The following CSMD3 variants were observed in gnomAD, a reference collection of about 807,000 sequenced individuals.
CSMD3 encodes CUB and Sushi multiple domains 3.
Under a neutral mutation model 435.2 loss-of-function variants are expected in CSMD3, and 177 were observed. The ratio of observed to expected loss-of-function variants is 0.41; its 90% confidence interval spans 0.36 to 0.46. The LOEUF (loss-of-function observed/expected upper bound fraction) is 0.46. CSMD3 is among the 20% of genes least tolerant of loss of function. The pLI is 0.34. For missense variants in CSMD3, 4,265 were observed against 4,504.6 expected (o/e 0.95, Z 1.52); for synonymous variants, 1,656 against 1,520.5 (o/e 1.09, Z -2.07).
At chr8:113,206,207 A>G (rs944831713) in intron 3 of CSMD3, among the ~76,000 whole-genome samples, 4 of 152,006 alleles carry the variant, frequency 2.6e-5, no homozygotes, top group African/African-American at 9.7e-5. Context: ...CTATATTTTG[A>G]TTTCTTTATA....
intron 3 of CSMD3, among the ~76,000 whole-genome samples, chr8:113,247,748 C>A (rs1028745265): frequency 6.6e-5 from 10 of 152,022 alleles, no homozygotes; most frequent in African/African-American, 2.2e-4. Context: ...AACTGCTTAG[C>A]AATAACAGAT....
At chr8:113,341,686 T>G (rs1160078077) in intron 1 of CSMD3, among the ~76,000 whole-genome samples, 2 of 152,082 alleles carry the variant, frequency 1.3e-5, no homozygotes, top group Admixed American at 6.6e-5. Flanking sequence ...GGAGTTAAAC[T>G]TATTATTTGA....
intron 1 of CSMD3, among the ~76,000 whole-genome samples, chr8:113,320,577 A>G (rs1588510119): frequency 6.6e-6 from 1 of 152,150 alleles, no homozygotes; most frequent in South Asian, 2.1e-4. Flanking sequence ...TTATGTTGAC[A>G]TGACTCTTGC....
At chr8:113,087,040 T>A (rs1012915915) in intron 5 of CSMD3, among the ~76,000 whole-genome samples, 8 of 152,282 alleles carry the variant, frequency 5.3e-5, no homozygotes, top group African/African-American at 1.2e-4. Flanking sequence ...TCTCTCTCTC[T>A]CACACTTCTG....
chr8:112,414,057 T>C (rs2130171374), intron 32 of CSMD3, among the ~76,000 whole-genome samples: 1 of 152,266 alleles, frequency 6.6e-6, no homozygotes, highest in Non-Finnish European at 1.5e-5. Context: ...TCTTAATAAT[T>C]TTCCATCTAC....
At chr8:112,292,845 CGGAAA>C in intron 54 of CSMD3, 135 bp from the exon 55 acceptor site, 1 of 770,096 alleles carries the variant, frequency 1.3e-6, no homozygotes, top group Non-Finnish European at 2.2e-6. Context: ...TGGAAATATA[CGGAAA>C]GTACATTTAC....
chr8:112,648,850 G>A (rs967176365), intron 19 of CSMD3, among the ~76,000 whole-genome samples: 2 of 152,150 alleles, frequency 1.3e-5, no homozygotes, highest in Admixed American at 6.5e-5. Flanking sequence ...ACCATGGTCT[G>A]TCTCAACCAC....
chr8:112,818,014 T>C (rs909891171), intron 12 of CSMD3, among the ~76,000 whole-genome samples: 1 of 151,880 alleles, frequency 6.6e-6, no homozygotes, highest in Admixed American at 6.6e-5. Flanking sequence ...ATTTTATAAT[T>C]AATATTTTTT....
At position 112,289,154 on chromosome 8, in the gene CSMD3, G is replaced by C. The variant is rs186307835; in HGVS notation, c.9148+211C>G. On this transcript the variant is annotated intron_variant, in intron 57 of 70. Transcript: ENST00000297405. ...GCAACACAGTTCAAAACACAAACTT[G>C]TAATTTATCATCTACAACATCAGTA... Among the ~76,000 whole-genome samples the C allele has an allele frequency of 4.4e-4, 67 of 152,094 alleles. 1 individual carries two copies. Among genetic ancestry groups the C allele is most frequent in the Middle Eastern group, 3.4e-3 (1 of 294 alleles).
intron 12 of CSMD3, among the ~76,000 whole-genome samples, chr8:112,807,549 G>A (rs914515673): frequency 5.3e-5 from 8 of 151,378 alleles, no homozygotes; most frequent in Non-Finnish European, 8.8e-5. Flanking sequence ...GGAAATACAT[G>A]TTTGGTGTCC....
At position 112,772,534 on chromosome 8, in the gene CSMD3, G is replaced by C. The variant is rs369980550; in HGVS notation, c.1972+27628C>G. Among the ~76,000 whole-genome samples, 7 of 152,068 alleles carry C rather than the reference G, an allele frequency of 4.6e-5. No individual in the cohort carries two copies. The East Asian group carries it at 1.2e-3, about 25-fold the overall frequency. ...GTCCAAGGTTTCTCCCCATGTGATA[G>C]TCTGAAATATGGCCTCGTGGGAAGG... On this transcript the variant is annotated intron_variant, in intron 13 of 70. Coordinates refer to ENST00000297405, the MANE Select transcript of CSMD3 (RefSeq NM_198123.2).
Position 112,312,912 on chromosome 8 carries a change from C to T in CSMD3, c.7696+994G>A, listed in dbSNP as rs939286607. Among the ~76,000 whole-genome samples the T allele has an allele frequency of 2.6e-5, 4 of 152,174 alleles. No homozygotes were observed. The South Asian group carries it at 8.3e-4, about 32-fold the overall frequency. On this transcript the variant is annotated intron_variant, in intron 49 of 70. Coordinates refer to ENST00000297405, the MANE Select transcript of CSMD3 (RefSeq NM_198123.2). ...ATAAAACATTTATAAAAGGAATTTT[C>T]GGTTGAATTGATTACCAATGACACA... is the stretch of plus-strand genomic sequence containing the variant.
chr8:112,632,845 ATT>A (rs1004186412), intron 22 of CSMD3, among the ~76,000 whole-genome samples: 1 of 151,624 alleles, frequency 6.6e-6, no homozygotes, highest in Non-Finnish European at 1.5e-5. Context: ...ATTTTACTTT[ATT>A]TTTTTGCTGT....
chr8:112,901,313 TA>T (rs889499987), intron 10 of CSMD3, among the ~76,000 whole-genome samples: 58 of 151,398 alleles, frequency 3.8e-4, no homozygotes, highest in African/African-American at 1.4e-3. Flanking sequence ...TAAAAGATCT[TA>T]CAATTTTGTC....
At chr8:112,241,306 A>G (rs138101076) in intron 66 of CSMD3, among the ~76,000 whole-genome samples, 10 of 152,166 alleles carry the variant, frequency 6.6e-5, no homozygotes, top group African/African-American at 2.4e-4. Flanking sequence ...TTTTTAAATC[A>G]AATAACTGAA....
At chr8:113,346,017 C>T (rs2094148874) in intron 1 of CSMD3, among the ~76,000 whole-genome samples, 1 of 151,976 alleles carries the variant, frequency 6.6e-6, no homozygotes, top group South Asian at 2.1e-4. Flanking sequence ...GTAACAAGTT[C>T]CCCTTAGAAG....
chr8:112,435,318 C>A (rs1814208179), intron 32 of CSMD3, among the ~76,000 whole-genome samples: 1 of 152,114 alleles, frequency 6.6e-6, no homozygotes, highest in East Asian at 1.9e-4. Flanking sequence ...GCTCTATAAC[C>A]ATTATCTCTG....
intron 24 of CSMD3, among the ~76,000 whole-genome samples, chr8:112,557,483 C>T (rs1025129069): frequency 7.2e-5 from 11 of 152,008 alleles, no homozygotes; most frequent in Non-Finnish European, 2.9e-5. Context: ...TGTGTTGGAA[C>T]TTTCAGTGCC....
chr8:112,960,494 G>T (rs1242247345), intron 7 of CSMD3, among the ~76,000 whole-genome samples: 1 of 151,616 alleles, frequency 6.6e-6, no homozygotes, highest in Non-Finnish European at 1.5e-5. Context: ...TAATGTTTCT[G>T]GGTTACACAG....
Sources: gnomAD v4.1 joint callset for allele counts (sites outside exome capture counted in the v4.1 genomes callset) on GRCh38, gnomAD v4.1.1 for gene constraint, MANE v1.5 for transcripts, NCBI Gene and HGNC (gene_info 2026-07-23, HGNC 2026-07-21) for gene names.